Variants in FYB2 observed in about 807,000 individuals in gnomAD.
The protein encoded by FYB2 is FYN-binding protein 2.
FYB2 carries 103 observed loss-of-function variants against 94.1 expected under a neutral mutation model. The observed-to-expected ratio is 1.09, with a 90% CI of 0.93 to 1.29. FYB2 has a LOEUF of 1.29. FYB2 is among the 50% of genes most tolerant of loss of function. The pLI is 0.00. For synonymous variants in FYB2, 293 were observed against 287.9 expected (o/e 1.02, Z -0.18); for missense variants, 896 against 841.5 (o/e 1.06, Z -0.80).
chr1:56,769,792 A>G (rs1645712653), intron 4 of FYB2, among the ~76,000 whole-genome samples: 1 of 152,184 alleles, frequency 6.6e-6, no homozygotes, highest in Admixed American at 6.5e-5. Context: ...GCAATTATAG[A>G]AATTGCATAG....
At chr1:56,758,281 G>A (rs1645406607) in intron 6 of FYB2, among the ~76,000 whole-genome samples, 1 of 151,974 alleles carries the variant, frequency 6.6e-6, no homozygotes, top group African/African-American at 2.4e-5. Flanking sequence ...TTGGGATTGA[G>A]GCCAGCAGTG....
chr1:56,757,617 CTTCTTTTCT>C (rs1447299238), intron 6 of FYB2, among the ~76,000 whole-genome samples: 2 of 151,814 alleles, frequency 1.3e-5, no homozygotes, highest in African/African-American at 4.8e-5. Context: ...CTTTTCTTTC[CTTCTTTTCT>C]TTCTTTTCTT....
chr1:56,819,193 A>T, intron 1 of FYB2, 89 bp downstream of exon 1: 1 of 1,551,068 alleles, frequency 6.4e-7, no homozygotes, highest in South Asian at 1.1e-5. Context: ...ACACACAAGC[A>T]GTTTTTCCCC....
chr1:56,748,901 G>T (rs1308420886), intron 9 of FYB2, among the ~76,000 whole-genome samples: 1 of 151,898 alleles, frequency 6.6e-6, no homozygotes, highest in Non-Finnish European at 1.5e-5. Context: ...ACAATAAAAT[G>T]TCCCAGTTTT....
At chr1:56,771,230 C>T (rs772763678) in intron 4 of FYB2, among the ~76,000 whole-genome samples, 26 of 151,680 alleles carry the variant, frequency 1.7e-4, no homozygotes, top group African/African-American at 5.3e-4. Context: ...TGTTCCTTAG[C>T]GAGAAAATGC....
chr1:56,762,674 G>A lies in FYB2; in HGVS notation c.1064-3924C>T, dbSNP rs534329788. Among the ~76,000 whole-genome samples the A allele has an allele frequency of 3.2e-4, 48 of 152,170 alleles. No homozygotes were observed. In the Middle Eastern group the frequency reaches 0.01, roughly 32 times the overall value. On this transcript the variant is annotated intron_variant, in intron 5 of 19. Transcript: ENST00000343433. ...TGGGAATTTCTATCTAGATAATCATGCCACTGTGAATAGATAGTTTTATTT... is the reference window on the plus strand; with the variant it reads ...TGGGAATTTCTATCTAGATAATCATACCACTGTGAATAGATAGTTTTATTT...
At position 56,757,639 on chromosome 1, in the gene FYB2, C is replaced by G. The variant is rs565057464; in HGVS notation, c.1098+1077G>C. ...TTCCTTCTTTTCTTTCTTTTCTTTT[C>G]TTTTCCTTTCTTTCTTTCTTTTTCT... is the stretch of plus-strand genomic sequence containing the variant. On this transcript the variant is annotated intron_variant, in intron 6 of 19. Transcript: ENST00000343433. Among the ~76,000 whole-genome samples the G allele has an allele frequency of 2.0e-5, 3 of 151,476 alleles. No homozygotes were observed. In the South Asian group the frequency reaches 6.3e-4, roughly 32 times the overall value.
Position 56,720,042 on chromosome 1 carries a change from G to C in FYB2, c.2145C>G (p.Leu715=), listed in dbSNP as rs758353226. The C allele has an allele frequency of 8.7e-6, 14 of 1,602,302 alleles. No individual in the cohort carries two copies. The highest frequency in any genetic ancestry group is 2.7e-5 in the African/African-American group (2 of 74,262). Residue 715 remains leucine, a synonymous_variant, in exon 19 of 20, where the codon CTC becomes CTG. Transcript: ENST00000343433. ...RNSKGKYGYV[L]IEHLDFKHQS... Reference sequence around the variant, plus strand: ...CTTACTTGAAATCTAGATGTTCAATGAGCACATATCCATCTAATAGAAACA... The same window carrying C: ...CTTACTTGAAATCTAGATGTTCAATCAGCACATATCCATCTAATAGAAACA...
chr1:56,754,975 T>A (rs1645290229), intron 7 of FYB2, among the ~76,000 whole-genome samples: 2 of 152,080 alleles, frequency 1.3e-5, no homozygotes, highest in Admixed American at 1.3e-4. Context: ...AGGTAGCCCA[T>A]CCAGCTAAAG....
At chr1:56,821,900 G>A (rs1173587118), upstream of FYB2, among the ~76,000 whole-genome samples, 1 of 152,124 alleles carries the variant, frequency 6.6e-6, no homozygotes, top group Non-Finnish European at 1.5e-5. Flanking sequence ...AGTTTTGGAT[G>A]GGAAATTTGA....
chr1:56,787,097 T>A, intron 4 of FYB2, 78 bp downstream of exon 4: 2 of 1,488,284 alleles, frequency 1.3e-6, no homozygotes, highest in South Asian at 1.1e-5. Context: ...TGGTTTGTGC[T>A]AATTGCCTGC....
rs149690731 is a variant in FYB2, at chr1:56,787,195, C to T, written c.933G>A (p.Glu311=). The T allele has an allele frequency of 6.2e-7, 1 of 1,613,980 alleles. No individual in the cohort carries two copies. Among genetic ancestry groups the T allele is most frequent in the Non-Finnish European group, 8.5e-7 (1 of 1,179,890 alleles). Residue 311 remains glutamate, a synonymous_variant, in exon 4 of 20, where the codon GAG becomes GAA. Coordinates refer to ENST00000343433, the MANE Select transcript of FYB2 (RefSeq NM_001004303.5). The stretch of plus-strand genomic sequence containing the variant: ...CTTACCTCTCTGGAGACAGGGAGCC[C>T]TCTTCCACAGTCACTGCAAGAGAAA... ...PKTQGEVTVE[E]GSLSPERLFN... is the part of the protein sequence containing the mutation.
chr1:56,792,418 A>C lies in FYB2; in HGVS notation c.395T>G (p.Val132Gly), dbSNP rs959138118. The part of the protein sequence containing the change: ...VEIITKEKVM[V>G]ANSFRNKLWN... ...GAGTTTGTTTCTGAAGCTATTGGCC[A>C]CCATTACTTTTTCCTTAGTGATTAT... Residue 132 changes from valine to glycine, a missense_variant, in exon 2 of 20, where the codon GTG (valine) becomes GGG (glycine). Transcript: ENST00000343433. The C allele has an allele frequency of 2.5e-6, 4 of 1,614,070 alleles. No individual in the cohort carries two copies. Among genetic ancestry groups the C allele is most frequent in the Non-Finnish European group, 3.4e-6 (4 of 1,180,044 alleles).
At chr1:56,791,537 C>T (rs1021012698) in intron 2 of FYB2, among the ~76,000 whole-genome samples, 10 of 152,102 alleles carry the variant, frequency 6.6e-5, no homozygotes, top group East Asian at 1.9e-4. Flanking sequence ...CATAAGCCAC[C>T]GTGCCCAGCC....
At chr1:56,768,360 A>C (rs531998804) in intron 4 of FYB2, among the ~76,000 whole-genome samples, 3 of 152,338 alleles carry the variant, frequency 2.0e-5, no homozygotes, top group African/African-American at 7.2e-5. Context: ...GGAAACTGAA[A>C]TGGAGCTATC....
chr1:56,761,571 T>G (rs1351525461), intron 5 of FYB2, among the ~76,000 whole-genome samples: 8 of 152,234 alleles, frequency 5.3e-5, no homozygotes, highest in African/African-American at 1.9e-4. Context: ...CTATATGACC[T>G]CTGAGGACAA....
At chr1:56,780,172 C>T (rs1645974835) in intron 4 of FYB2, among the ~76,000 whole-genome samples, 1 of 152,116 alleles carries the variant, frequency 6.6e-6, no homozygotes, top group African/African-American at 2.4e-5. Flanking sequence ...CAAAACTAGG[C>T]CCCAAGTCTG....
intron 4 of FYB2, among the ~76,000 whole-genome samples, chr1:56,780,718 GA>G (rs1219123888): frequency 1.3e-5 from 2 of 152,118 alleles, no homozygotes; most frequent in South Asian, 2.1e-4. Flanking sequence ...TTATAGGTGA[GA>G]TTTTTTTTTA....
At chr1:56,735,351 GC>G (rs1411338071) in intron 15 of FYB2, among the ~76,000 whole-genome samples, 1 of 152,038 alleles carries the variant, frequency 6.6e-6, no homozygotes, top group African/African-American at 2.4e-5. Context: ...AGTGAAATAA[GC>G]CAGGAATAGA....
Sources: allele counts gnomAD v4.1 joint callset (sites outside exome capture counted in the v4.1 genomes callset), GRCh38; gene constraint gnomAD v4.1.1; transcripts MANE v1.5; gene names NCBI Gene and HGNC (gene_info 2026-07-23, HGNC 2026-07-21).